The following ACTR3C variants were observed in gnomAD, a reference collection of about 807,000 sequenced individuals.
ACTR3C encodes actin related protein 3C, also known as actin-related protein 3C.
A neutral mutation model predicts 26.3 loss-of-function variants in ACTR3C; 18 were observed. The ratio of observed to expected loss-of-function variants is 0.68; its 90% confidence interval spans 0.47 to 1.01. The LOEUF is 1.01. ACTR3C is among the 50% of genes least tolerant of loss of function. The pLI, the probability that ACTR3C is intolerant of heterozygous loss-of-function variation, is 0.00. For synonymous variants in ACTR3C, 55 were observed against 94.5 expected (o/e 0.58, Z 2.42); for missense variants, 184 against 250.7 (o/e 0.73, Z 1.80).
At chr7:150,167,018 G>GTATATATATA in the ACTR3C span, among the ~76,000 whole-genome samples, 1,205 of 147,270 alleles carry the variant, frequency 8.2e-3, 11 homozygotes, top group Non-Finnish European at 0.012. Context: ...ATTCCACTGT[G>GTATATATATA]TATATATATA....
the ACTR3C span, among the ~76,000 whole-genome samples, chr7:150,129,602 A>G: frequency 6.6e-6 from 1 of 152,208 alleles, no homozygotes; most frequent in Non-Finnish European, 1.5e-5. Context: ...AACAATTGGA[A>G]ATAGTAAGTT....
chr7:150,165,071 G>A, the ACTR3C span, among the ~76,000 whole-genome samples: 1 of 152,112 alleles, frequency 6.6e-6, no homozygotes, highest in Admixed American at 6.5e-5. Context: ...TAGGTGTGCC[G>A]CACTCCGAAA....
chr7:150,224,035 C>T, the ACTR3C span, among the ~76,000 whole-genome samples: 2 of 152,310 alleles, frequency 1.3e-5, no homozygotes, highest in African/African-American at 4.8e-5. Context: ...GTGTCACCAG[C>T]CAGTGTCATC....
chr7:149,977,272 G>A, the ACTR3C span, among the ~76,000 whole-genome samples: 5 of 152,188 alleles, frequency 3.3e-5, no homozygotes, highest in African/African-American at 1.2e-4. Context: ...TCAAGGTGGC[G>A]AGTCAACAGC....
At chr7:150,263,435 G>C (rs945596700) in intron 6 of ACTR3C, among the ~76,000 whole-genome samples, 2 of 149,620 alleles carry the variant, frequency 1.3e-5, no homozygotes, top group South Asian at 4.4e-4. Context: ...TCTGGAGAAA[G>C]TACAATGTTG....
the ACTR3C span, among the ~76,000 whole-genome samples, chr7:150,178,438 A>G: frequency 6.7e-6 from 1 of 150,122 alleles, no homozygotes; most frequent in Non-Finnish European, 1.5e-5. Flanking sequence ...ATCTACCACC[A>G]TGCCCGGCTA....
the ACTR3C span, among the ~76,000 whole-genome samples, chr7:150,232,599 A>G: frequency 0.14 from 18,593 of 129,126 alleles, 2,877 homozygotes; most frequent in African/African-American, 0.39. Context: ...TGAGGCAGGC[A>G]GATCACCTGA....
intron 1 of ACTR3C, among the ~76,000 whole-genome samples, chr7:150,300,277 G>C (rs1311507508): frequency 6.6e-6 from 1 of 152,044 alleles, no homozygotes; most frequent in Admixed American, 6.6e-5. Context: ...GCTTGAACCC[G>C]GGAGGCGGAG....
chr7:150,249,199 A>T, intron 6 of ACTR3C, 145 bp from the exon 7 acceptor site: 1 of 420,386 alleles, frequency 2.4e-6, no homozygotes, highest in East Asian at 3.4e-5. Flanking sequence ...CTTAAAGGAG[A>T]ACACCAATTC....
the ACTR3C span, among the ~76,000 whole-genome samples, chr7:149,905,865 G>A: frequency 6.6e-6 from 1 of 152,064 alleles, no homozygotes; most frequent in South Asian, 2.1e-4. Context: ...TCCTGGAGGA[G>A]TAACGTGGCA....
At chr7:150,049,368 C>G in the ACTR3C span, among the ~76,000 whole-genome samples, 1 of 152,146 alleles carries the variant, frequency 6.6e-6, no homozygotes, top group Non-Finnish European at 1.5e-5. Flanking sequence ...ATCCAGAGAG[C>G]GAACGTGGGC....
At chr7:149,971,342 G>T in the ACTR3C span, among the ~76,000 whole-genome samples, 2 of 152,178 alleles carry the variant, frequency 1.3e-5, no homozygotes, top group African/African-American at 2.4e-5. Context: ...TACCGATGGG[G>T]TGTTAGAACA....
chr7:149,952,709 A>G, the ACTR3C span, among the ~76,000 whole-genome samples: 1 of 150,950 alleles, frequency 6.6e-6, no homozygotes, highest in Non-Finnish European at 1.5e-5. Context: ...AAAAAGGTCA[A>G]TAAACATGAA....
chr7:150,043,729 TAG>T, the ACTR3C span, among the ~76,000 whole-genome samples: 1 of 152,240 alleles, frequency 6.6e-6, no homozygotes, highest in Non-Finnish European at 1.5e-5. Flanking sequence ...TTGAAAGATT[TAG>T]ACTTTTTCTC....
chr7:150,237,140 T>C, the ACTR3C span, among the ~76,000 whole-genome samples: 1 of 152,100 alleles, frequency 6.6e-6, no homozygotes, highest in East Asian at 1.9e-4. Context: ...TTATTCCAAA[T>C]GGCATTGATG....
chr7:150,198,771 C>CG, the ACTR3C span, among the ~76,000 whole-genome samples: 1 of 123,478 alleles, frequency 8.1e-6, no homozygotes, highest in African/African-American at 3.6e-5. Flanking sequence ...GTCAGCCCCC[C>CG]GCCTGGCCAG....
At chr7:150,070,175 T>C in the ACTR3C span, among the ~76,000 whole-genome samples, 1 of 152,244 alleles carries the variant, frequency 6.6e-6, no homozygotes, top group Admixed American at 6.5e-5. Context: ...CCCAGGCCCA[T>C]GCTCCAGATG....
the ACTR3C span, among the ~76,000 whole-genome samples, chr7:150,198,681 C>T: frequency 9.8e-5 from 14 of 142,248 alleles, no homozygotes; most frequent in Non-Finnish European, 1.5e-4. Flanking sequence ...GGAGCCTCTC[C>T]GCCCGGCAGC....
At chr7:150,220,059 C>A in the ACTR3C span, among the ~76,000 whole-genome samples, 2 of 147,192 alleles carry the variant, frequency 1.4e-5, no homozygotes, top group African/African-American at 2.7e-5. Context: ...AAACAGCATA[C>A]GTTCTCTCAA....
Sources: allele counts gnomAD v4.1 joint callset (sites outside exome capture counted in the v4.1 genomes callset), GRCh38; gene constraint gnomAD v4.1.1; transcripts MANE v1.5; gene names NCBI Gene and HGNC (gene_info 2026-07-23, HGNC 2026-07-21).